Variants in ANO10 observed in about 807,000 individuals in gnomAD.
ANO10 encodes anoctamin-10.
A neutral mutation model predicts 74.7 loss-of-function variants in ANO10; 77 were observed. The observed-to-expected ratio is 1.03, with a 90% confidence interval of 0.86 to 1.25. The LOEUF is 1.25. ANO10 is among the 50% of genes most tolerant of loss of function. ANO10 has a pLI of 0.00. For synonymous variants in ANO10, 279 were observed against 284.9 expected, an observed-to-expected ratio of 0.98 and a Z score of 0.21; for missense variants, 721 against 778.1, an observed-to-expected ratio of 0.93 and a Z score of 0.87.
intron 1 of ANO10, among the ~76,000 whole-genome samples, chr3:43,610,263 G>GT (rs2082755082): frequency 1.3e-5 from 2 of 152,134 alleles, no homozygotes; most frequent in Admixed American, 1.3e-4. Flanking sequence ...TTCAGAGGCA[G>GT]TAACACACAT....
chr3:43,639,247 T>C (rs1452784558), intron 1 of ANO10, among the ~76,000 whole-genome samples: 1 of 152,200 alleles, frequency 6.6e-6, no homozygotes, highest in Non-Finnish European at 1.5e-5. Flanking sequence ...GAATTAGCCT[T>C]CATCTTTTGA....
At chr3:43,519,871 C>T (rs922135775) in intron 11 of ANO10, among the ~76,000 whole-genome samples, 2 of 152,094 alleles carry the variant, frequency 1.3e-5, no homozygotes, top group African/African-American at 4.8e-5. Flanking sequence ...TGTTATTTGT[C>T]TTGTTTCTTT....
At chr3:43,677,253 T>C (rs2084135019) in intron 1 of ANO10, among the ~76,000 whole-genome samples, 1 of 152,086 alleles carries the variant, frequency 6.6e-6, no homozygotes, top group Admixed American at 6.6e-5. Context: ...GAAAACCAAA[T>C]ACTGCATGTT....
intron 1 of ANO10, among the ~76,000 whole-genome samples, chr3:43,672,768 G>A (rs547254217): frequency 3.9e-5 from 6 of 152,046 alleles, no homozygotes; most frequent in South Asian, 2.1e-4. Context: ...TTTACCTGCC[G>A]ACTCCTTTGT....
intron 12 of ANO10, among the ~76,000 whole-genome samples, chr3:43,384,523 A>G (rs1049149470): frequency 6.6e-6 from 1 of 152,212 alleles, no homozygotes; most frequent in Non-Finnish European, 1.5e-5. Flanking sequence ...CCCGACTTCA[A>G]ACTATAAGGC....
chr3:43,529,223 G>T (rs1480778120), intron 11 of ANO10, among the ~76,000 whole-genome samples: 1 of 152,106 alleles, frequency 6.6e-6, no homozygotes, highest in East Asian at 1.9e-4. Context: ...ACAGTGGAGG[G>T]GCATTTTCAA....
chr3:43,539,936 T>C (rs1464898615), intron 11 of ANO10, among the ~76,000 whole-genome samples: 4 of 152,186 alleles, frequency 2.6e-5, no homozygotes, highest in Non-Finnish European at 5.9e-5. Context: ...TTACCCACTG[T>C]AAGACCTTAA....
intron 11 of ANO10, among the ~76,000 whole-genome samples, chr3:43,532,906 G>A (rs915335079): frequency 6.6e-6 from 1 of 152,154 alleles, no homozygotes; most frequent in African/African-American, 2.4e-5. Flanking sequence ...CTGTTCTAAA[G>A]GCAAGATTCT....
chr3:43,449,703 C>A (rs1433072383), intron 11 of ANO10, among the ~76,000 whole-genome samples: 1 of 151,058 alleles, frequency 6.6e-6, no homozygotes, highest in Non-Finnish European at 1.5e-5. Flanking sequence ...AGCTTTACAG[C>A]AAGTTTCGAA....
At chr3:43,622,639 C>T (rs1272911014), upstream of ANO10, among the ~76,000 whole-genome samples, 4 of 152,182 alleles carry the variant, frequency 2.6e-5, no homozygotes, top group East Asian at 7.7e-4. Context: ...GACACCTTTC[C>T]ACCTCCAGGC....
At chr3:43,469,644 G>A (rs1446665454) in intron 11 of ANO10, among the ~76,000 whole-genome samples, 1 of 152,108 alleles carries the variant, frequency 6.6e-6, no homozygotes, top group African/African-American at 2.4e-5. Flanking sequence ...CACAGTCAAA[G>A]GTTTCTTCTC....
intron 1 of ANO10, among the ~76,000 whole-genome samples, chr3:43,629,758 C>T (rs112767689): frequency 3.9e-5 from 6 of 152,262 alleles, no homozygotes; most frequent in African/African-American, 1.4e-4. Context: ...ATAGGAAAAT[C>T]AGATTTGGGA....
rs2080296204 is a variant in ANO10 at position 43,565,863 on chromosome 3, T to C, written c.1219-136A>G. The C allele has an allele frequency of 5.7e-6, 5 of 874,714 alleles. No individual in the cohort carries two copies. The South Asian group carries it at 6.2e-5, about 11-fold the overall frequency. The allele number at this position is 874,714 out of a possible 1,614,324, so 54.2% of individuals were successfully genotyped here. A position where few individuals can be genotyped will look rare whatever the true frequency, so the allele number is the denominator to read the frequency against. On this transcript the variant is annotated intron_variant, in intron 7 of 12. Transcript: ENST00000292246. Reference sequence around the variant, plus strand: ...GGGCCGAATAGGAACAGCTCCAGTCTACAGCTCCCAGCCTGAGCGACGCAG... The same window carrying C: ...GGGCCGAATAGGAACAGCTCCAGTCCACAGCTCCCAGCCTGAGCGACGCAG...
chr3:43,491,252 GC>G (rs1239836733), intron 11 of ANO10, among the ~76,000 whole-genome samples: 1 of 152,150 alleles, frequency 6.6e-6, no homozygotes, highest in African/African-American at 2.4e-5. Flanking sequence ...GTGGCCTCAT[GC>G]CTGTAATCCC....
chr3:43,411,568 A>G (rs2092665784), intron 12 of ANO10, among the ~76,000 whole-genome samples: 1 of 152,160 alleles, frequency 6.6e-6, no homozygotes, highest in Non-Finnish European at 1.5e-5. Flanking sequence ...AAATCAATGG[A>G]AATGAAGCTG....
intron 4 of ANO10, among the ~76,000 whole-genome samples, chr3:43,589,163 A>G (rs2081608700): frequency 6.6e-6 from 1 of 151,878 alleles, no homozygotes; most frequent in African/African-American, 2.4e-5. Flanking sequence ...GAATGAGTTA[A>G]TATTAGGAAT....
chr3:43,385,521 A>G (rs796853877), intron 12 of ANO10, among the ~76,000 whole-genome samples: 2 of 152,356 alleles, frequency 1.3e-5, no homozygotes, highest in African/African-American at 4.8e-5. Flanking sequence ...ATGCCCATCA[A>G]CCAACGAGTG....
At chr3:43,575,771 G>A (rs549267588) in intron 6 of ANO10, among the ~76,000 whole-genome samples, 1 of 152,140 alleles carries the variant, frequency 6.6e-6, no homozygotes, top group East Asian at 1.9e-4. Flanking sequence ...CTGAGTAGTT[G>A]GGACTACAGG....
intron 1 of ANO10, among the ~76,000 whole-genome samples, chr3:43,664,192 A>G (rs1367204785): frequency 1.3e-5 from 2 of 152,180 alleles, no homozygotes; most frequent in Admixed American, 6.5e-5. Flanking sequence ...TATATAGACC[A>G]GTAGAACAGA....
Sources: gnomAD v4.1 joint callset for allele counts (sites outside exome capture counted in the v4.1 genomes callset) on GRCh38, gnomAD v4.1.1 for gene constraint, MANE v1.5 for transcripts, NCBI Gene and HGNC (gene_info 2026-07-23, HGNC 2026-07-21) for gene names.